Variants in CDH12 observed in about 807,000 individuals in gnomAD.
CDH12 encodes cadherin 12.
Under a neutral mutation model 74.1 loss-of-function variants are expected in CDH12, and 41 were observed. The observed-to-expected ratio is 0.55, with a 90% CI of 0.43 to 0.72. CDH12 has a LOEUF of 0.72. Among genes scored for constraint, CDH12 ranks in the 30% least tolerant of loss-of-function variants. CDH12 has a pLI of 0.00. For synonymous variants in CDH12, 399 were observed against 355.0 expected (o/e 1.12, Z -1.39); for missense variants, 945 against 977.2 (o/e 0.97, Z 0.44).
At chr5:22,070,860 A>C (rs753928947) in intron 5 of CDH12, among the ~76,000 whole-genome samples, 1 of 152,190 alleles carries the variant, frequency 6.6e-6, no homozygotes, top group Non-Finnish European at 1.5e-5. Flanking sequence ...CTTTATCCTC[A>C]GCAAACTAAC....
chr5:22,396,356 T>A (rs905620430), intron 3 of CDH12, among the ~76,000 whole-genome samples: 1 of 152,116 alleles, frequency 6.6e-6, no homozygotes, highest in Non-Finnish European at 1.5e-5. Context: ...AAGGAGACTT[T>A]CTGCCTGATG....
intron 3 of CDH12, among the ~76,000 whole-genome samples, chr5:22,289,865 A>G (rs1027632866): frequency 6.6e-6 from 1 of 152,142 alleles, no homozygotes; most frequent in Non-Finnish European, 1.5e-5. Flanking sequence ...ATCACTAGAC[A>G]TGTCCTGGAG....
intron 1 of CDH12, among the ~76,000 whole-genome samples, chr5:22,717,896 T>A (rs1278677212): frequency 6.6e-5 from 10 of 152,140 alleles, no homozygotes; most frequent in Non-Finnish European, 1.2e-4. Flanking sequence ...GCCTAAAAAC[T>A]AATATCTACA....
chr5:21,802,363 G>A lies in CDH12; in HGVS notation c.1060C>T (p.His354Tyr), dbSNP rs752880117. The A allele has an allele frequency of 1.6e-5, 26 of 1,613,612 alleles. No individual in the cohort carries two copies. The highest frequency in any genetic ancestry group is 2.7e-5 in the African/African-American group (2 of 74,844). ...YTFKVEASNL[H>Y]LDHRFHSAGP... ...GCCGAGTGAAACCGGTGGTCAAGGT[G>A]AAGGTTGGAAGCCTCAACTTTGAAA... is the stretch of plus-strand genomic sequence containing the variant. Residue 354 changes from histidine to tyrosine, a missense_variant, in exon 10 of 15, where the codon CAC becomes TAC. Transcript: ENST00000382254.
At chr5:22,845,680 T>C (rs1449004844) in intron 1 of CDH12, among the ~76,000 whole-genome samples, 1 of 152,064 alleles carries the variant, frequency 6.6e-6, no homozygotes, top group Non-Finnish European at 1.5e-5. Flanking sequence ...GTAATGACAA[T>C]AAAACCAAGA....
chr5:22,718,920 G>A (rs1743730004), intron 1 of CDH12, among the ~76,000 whole-genome samples: 1 of 152,160 alleles, frequency 6.6e-6, no homozygotes, highest in Non-Finnish European at 1.5e-5. Context: ...TTTGCCCTGT[G>A]TGTCTCTTTC....
intron 1 of CDH12, among the ~76,000 whole-genome samples, chr5:22,591,399 GATA>G (rs1303813349): frequency 6.6e-6 from 1 of 151,992 alleles, no homozygotes; most frequent in Non-Finnish European, 1.5e-5. Flanking sequence ...TTATAGACTA[GATA>G]ATATTTTTTA....
chr5:22,299,825 T>TA (rs1259178494), intron 3 of CDH12, among the ~76,000 whole-genome samples: 1 of 152,162 alleles, frequency 6.6e-6, no homozygotes, highest in Non-Finnish European at 1.5e-5. Context: ...GATATTAGGT[T>TA]AAAAAATGAT....
chr5:21,970,853 A>AAAAAAAAAAAAAAAAAAAAAAG (rs1260408836), intron 6 of CDH12, among the ~76,000 whole-genome samples: 1 of 134,668 alleles, frequency 7.4e-6, no homozygotes, highest in Non-Finnish European at 1.7e-5. Flanking sequence ...AAAAAAAAAA[A>AAAAAAAAAAAAAAAAAAAAAAG]AAAAAAAAAA....
intron 1 of CDH12, among the ~76,000 whole-genome samples, chr5:22,598,436 T>G (rs1466439022): frequency 6.6e-6 from 1 of 152,124 alleles, no homozygotes; most frequent in African/African-American, 2.4e-5. Flanking sequence ...CGGCGCTCAC[T>G]CTCTATCCTG....
intron 4 of CDH12, chr5:22,143,483 C>T (rs1168828741): frequency 3.3e-5 from 5 of 151,328 alleles, no homozygotes; most frequent in Admixed American, 2.6e-4. Context: ...AATTTCTTGC[C>T]TCAGCCTCAT....
intron 4 of CDH12, among the ~76,000 whole-genome samples, chr5:22,147,961 G>C (rs1747316248): frequency 6.6e-6 from 1 of 152,226 alleles, no homozygotes; most frequent in African/African-American, 2.4e-5. Flanking sequence ...CTCAGAGTTG[G>C]CTGATTTTTG....
chr5:22,489,893 C>T (rs996974901), intron 2 of CDH12, among the ~76,000 whole-genome samples: 1 of 151,818 alleles, frequency 6.6e-6, no homozygotes, highest in Admixed American at 6.6e-5. Context: ...GTTGCCCAGG[C>T]TGGTCTTGAA....
intron 4 of CDH12, among the ~76,000 whole-genome samples, chr5:22,114,001 T>A (rs1420279152): frequency 5.9e-5 from 9 of 152,158 alleles, no homozygotes; most frequent in Non-Finnish European, 1.2e-4. Context: ...TGACATCAGG[T>A]GGCATCTCTA....
In CDH12 at chr5:21,765,010, T is replaced by C; in HGVS notation, c.1483A>G (p.Thr495Ala). Reference protein sequence around the residue: ...FPPEISVPYETAVCENAKPGQ... With the variant: ...FPPEISVPYEAAVCENAKPGQ... ...GGCTTGGCATTTTCACACACGGCTG[T>C]CTCATATGGCACAGATATTTCTGGA... The change falls in exon 12 of 15, where the codon ACA becomes GCA. Residue 495 changes from threonine (T) to alanine (A), a missense_variant. Coordinates refer to ENST00000382254, the MANE Select transcript of CDH12 (RefSeq NM_004061.5). 1 of 1,613,692 alleles carries C rather than the reference T, an allele frequency of 6.2e-7. No homozygotes were observed. Among genetic ancestry groups the C allele is most frequent in the Non-Finnish European group, 8.5e-7 (1 of 1,179,706 alleles).
chr5:22,452,594 T>G (rs1465032079), intron 2 of CDH12, among the ~76,000 whole-genome samples: 1 of 151,724 alleles, frequency 6.6e-6, no homozygotes, highest in Non-Finnish European at 1.5e-5. Flanking sequence ...ATATTTAAAT[T>G]TAAGATCCAA....
intron 1 of CDH12, among the ~76,000 whole-genome samples, chr5:22,698,730 T>TAC (rs1742547483): frequency 4.7e-4 from 7 of 14,764 alleles, no homozygotes; most frequent in South Asian, 2.7e-3. Flanking sequence ...TATATATATA[T>TAC]ATATAGTGTG....
chr5:21,807,718 A>C (rs957698467), intron 9 of CDH12, among the ~76,000 whole-genome samples: 6 of 152,054 alleles, frequency 3.9e-5, no homozygotes, highest in Admixed American at 3.9e-4. Flanking sequence ...GAATTCTAAG[A>C]TGCTCCCAAT....
chr5:22,054,210 G>A (rs1740583041), intron 5 of CDH12, among the ~76,000 whole-genome samples: 1 of 151,860 alleles, frequency 6.6e-6, no homozygotes, highest in Non-Finnish European at 1.5e-5. Flanking sequence ...AACTTTTTTA[G>A]AAACACCATA....
Sources: allele counts gnomAD v4.1 joint callset (sites outside exome capture counted in the v4.1 genomes callset), GRCh38; gene constraint gnomAD v4.1.1; transcripts MANE v1.5; gene names NCBI Gene and HGNC (gene_info 2026-07-23, HGNC 2026-07-21).